CTSS: variants seen among roughly 807,000 people sequenced by gnomAD.
CTSS encodes cathepsin S.
Under a neutral mutation model 39.9 loss-of-function variants are expected in CTSS, and 15 were observed. The observed-to-expected ratio is 0.38, with a 90% confidence interval of 0.25 to 0.58. The LOEUF (loss-of-function observed/expected upper bound fraction) is 0.58, where lower values mean the gene tolerates loss of function less well. Among genes scored for constraint, CTSS ranks in the 20% least tolerant of loss-of-function variants. CTSS has a pLI of 0.70. For synonymous variants in CTSS, 126 were observed against 138.2 expected (o/e 0.91, Z 0.62); for missense variants, 250 against 398.2 (o/e 0.63, Z 3.17).
At chr1:150,758,760 G>A (rs1653187341) in intron 2 of CTSS, among the ~76,000 whole-genome samples, 1 of 150,868 alleles carries the variant, frequency 6.6e-6, no homozygotes, top group Non-Finnish European at 1.5e-5. Context: ...CTATGTTGCA[G>A]GCTCATATTG....
At chr1:150,747,385 A>G (rs1283670451) in intron 7 of CTSS, among the ~76,000 whole-genome samples, 1 of 152,216 alleles carries the variant, frequency 6.6e-6, no homozygotes, top group African/African-American at 2.4e-5. Context: ...AGCTATTGGC[A>G]TATAAAGGTT....
rs756196248 is a variant in CTSS, at chr1:150,747,862, A to T, written c.811T>A (p.Ser271Thr). ...CCATGATTCACATTCTGAGTACAGG[A>T]TGGTTCATAGTAGACACCTGAGAAT... ...LYRSGVYYEP[S>T]CTQNVNHGVL... is the part of the protein sequence containing the mutation. Residue 271 changes from serine (S) to threonine (T), a missense_variant, in exon 7 of 8, where the codon TCC becomes ACC. Coordinates refer to ENST00000368985, the MANE Select transcript of CTSS (RefSeq NM_004079.5). The T allele has an allele frequency of 6.2e-7, 1 of 1,613,220 alleles. No individual in the cohort carries two copies. Among genetic ancestry groups the T allele is most frequent in the East Asian group, 2.2e-5 (1 of 44,852 alleles).
intron 7 of CTSS, among the ~76,000 whole-genome samples, chr1:150,733,732 A>G (rs1652573655): frequency 6.6e-6 from 1 of 151,794 alleles, no homozygotes; most frequent in Non-Finnish European, 1.5e-5. Context: ...GAGAGGCTGA[A>G]GTGGGAGGAT....
rs115818324 is a variant in CTSS at position 150,761,850 on chromosome 1, C to T, written c.126+2788G>A. ...AATATTGCTAAAATGTTCATACTAT[C>T]CAAAGCAAACTAGAAATTCAGTGCA... On this transcript the variant is annotated intron_variant, in intron 2 of 7. Coordinates refer to ENST00000368985, the MANE Select transcript of CTSS (RefSeq NM_004079.5). Among the ~76,000 whole-genome samples, 792 of 152,230 alleles carry T rather than the reference C, an allele frequency of 5.2e-3. 5 individuals carry two copies. The highest frequency in any genetic ancestry group is 0.018 in the African/African-American group (747 of 41,540).
At chr1:150,759,163 C>A (rs764631145) in intron 2 of CTSS, among the ~76,000 whole-genome samples, 12 of 151,850 alleles carry the variant, frequency 7.9e-5, no homozygotes, top group Admixed American at 7.9e-4. Context: ...AACCATACAC[C>A]CAGCCATGAT....
intron 6 of CTSS, among the ~76,000 whole-genome samples, chr1:150,749,586 C>T (rs1484897426): frequency 1.4e-5 from 2 of 145,596 alleles, no homozygotes; most frequent in Non-Finnish European, 3.0e-5. Flanking sequence ...CGCCCCGCCC[C>T]GCCCCGCCCC....
At chr1:150,758,389 T>A (rs587654925) in intron 2 of CTSS, among the ~76,000 whole-genome samples, 29 of 152,284 alleles carry the variant, frequency 1.9e-4, no homozygotes, top group South Asian at 1.0e-3. Context: ...AATGTGGATC[T>A]GCCCGAGAGC....
chr1:150,757,884 G>A lies in CTSS; in HGVS notation c.223C>T (p.Leu75=). The change falls in exon 3 of 8, where the codon CTG becomes TTG. Residue 75 remains leucine, a synonymous_variant. Transcript: ENST00000368985. Reference sequence around the variant, plus strand: ...ATGTCTCCCAGGTGGTTCATGCCCAGATCGTATGAGTGCATTCCCATTGAA... The same window carrying A: ...ATGTCTCCCAGGTGGTTCATGCCCAAATCGTATGAGTGCATTCCCATTGAA... ...EHSMGMHSYD[L]GMNHLGDMTS... The A allele has an allele frequency of 6.2e-7, 1 of 1,613,954 alleles. No individual in the cohort carries two copies. Among genetic ancestry groups the A allele is most frequent in the East Asian group, 2.2e-5 (1 of 44,874 alleles).
intron 6 of CTSS, among the ~76,000 whole-genome samples, chr1:150,749,053 T>C (rs1652951139): frequency 6.6e-6 from 1 of 152,108 alleles, no homozygotes; most frequent in African/African-American, 2.4e-5. Context: ...CCCCCATCTC[T>C]CTCCTCAGGC....
intron 2 of CTSS, among the ~76,000 whole-genome samples, chr1:150,761,340 C>A (rs1653258866): frequency 6.6e-6 from 1 of 152,132 alleles, no homozygotes. Context: ...GAAAACAATT[C>A]TATTTACAAC....
intron 1 of CTSS, 57 bp from the exon 2 acceptor site, chr1:150,764,821 A>G: frequency 6.3e-7 from 1 of 1,584,144 alleles, no homozygotes; most frequent in Non-Finnish European, 8.6e-7. Context: ...TGTTGTGACC[A>G]CATGTTTTCA....
At chr1:150,756,950 A>G (rs1653145334) in intron 3 of CTSS, among the ~76,000 whole-genome samples, 1 of 152,172 alleles carries the variant, frequency 6.6e-6, no homozygotes. Context: ...TCCCGACCTC[A>G]GGTGATCTGC....
intron 6 of CTSS, 184 bp from the exon 7 acceptor site, chr1:150,748,063 G>A (rs1234494779): frequency 3.3e-5 from 16 of 491,520 alleles, no homozygotes; most frequent in Admixed American, 1.1e-4. Flanking sequence ...AGGCCAAGGC[G>A]GGCGGGTCAC....
chr1:150,764,590 A>G (rs1571109153), intron 2 of CTSS, 48 bp downstream of exon 2: 4 of 1,610,170 alleles, frequency 2.5e-6, no homozygotes, highest in Non-Finnish European at 3.4e-6. Context: ...AGAGGTAGAA[A>G]ACAGTACTCC....
chr1:150,734,918 A>G (rs1398113018), intron 7 of CTSS, among the ~76,000 whole-genome samples: 1 of 152,226 alleles, frequency 6.6e-6, no homozygotes, highest in African/African-American at 2.4e-5. Flanking sequence ...TGGTAGGTAT[A>G]TAAATATCAT....
rs1370552300 is a variant in CTSS at position 150,760,039 on chromosome 1, A to G, written c.127-2059T>C. On this transcript the variant is annotated intron_variant, in intron 2 of 7. Transcript: ENST00000368985. ...CTAAGTGCAAGAAAGGAAAAAAAAA[A>G]AAAGAAGTGCACTTTGAGATCAATT... 3.9e-5 allele frequency among the ~76,000 whole-genome samples: 6 copies of G among 152,318 alleles called. No individual in the cohort carries two copies. The East Asian group carries it at 9.6e-4, about 24-fold the overall frequency.
At position 150,758,851 on chromosome 1, in the gene CTSS, T is replaced by G. The variant is rs867539490; in HGVS notation, c.127-871A>C. ...TGGTGTAAGCCACCGCGCCCAGCAT[T>G]TTTTTTTTTTTTTTTTAGACAGGGT... is the stretch of plus-strand genomic sequence containing the variant. On this transcript the variant is annotated intron_variant, in intron 2 of 7. Transcript: ENST00000368985. 1.1e-3 allele frequency among the ~76,000 whole-genome samples: 151 copies of G among 142,688 alleles called. No individual in the cohort carries two copies. In the Middle Eastern group the frequency reaches 0.011, roughly 10 times the overall value. The allele number at this position is 142,688 out of a possible 152,430, so 93.6% of individuals were successfully genotyped here.
At chr1:150,755,292 A>G (rs1653097717) in intron 3 of CTSS, 142 bp from the exon 4 acceptor site, 1 of 874,660 alleles carries the variant, frequency 1.1e-6, no homozygotes. Context: ...CTACATACCT[A>G]GGCTGTATGG....
chr1:150,740,661 G>A (rs1652732471), intron 7 of CTSS, among the ~76,000 whole-genome samples: 2 of 152,054 alleles, frequency 1.3e-5, no homozygotes, highest in South Asian at 2.1e-4. Context: ...CAAAGTGCTG[G>A]GATTACAGGC....
Sources: gnomAD v4.1 joint callset for allele counts (sites outside exome capture counted in the v4.1 genomes callset) on GRCh38, gnomAD v4.1.1 for gene constraint, MANE v1.5 for transcripts, NCBI Gene and HGNC (gene_info 2026-07-23, HGNC 2026-07-21) for gene names.